Variants in BRD1 observed in about 807,000 individuals in gnomAD.
BRD1 encodes bromodomain containing 1, also known as bromodomain-containing protein 1.
A neutral mutation model predicts 107.7 loss-of-function variants in BRD1; 24 were observed. The observed-to-expected ratio is 0.22, with a 90% CI of 0.16 to 0.31. The LOEUF is 0.31. Among genes scored for constraint, BRD1 ranks in the 10% least tolerant of loss-of-function variants. BRD1 has a pLI of 1.00. For synonymous variants in BRD1, 744 were observed against 686.1 expected (o/e 1.08, Z -1.32); for missense variants, 1,279 against 1,638.6 (o/e 0.78, Z 3.79).
chr22:49,784,134 G>GC (rs1006743767), intron 8 of BRD1, among the ~76,000 whole-genome samples: 2 of 151,794 alleles, frequency 1.3e-5, no homozygotes, highest in Non-Finnish European at 2.9e-5. Flanking sequence ...CGCAACGGCA[G>GC]CGAGTGGACA....
At chr22:49,825,177 C>T (rs1412208696) in intron 1 of BRD1, among the ~76,000 whole-genome samples, 1 of 152,196 alleles carries the variant, frequency 6.6e-6, no homozygotes, top group Non-Finnish European at 1.5e-5. Flanking sequence ...CCACGTCCTC[C>T]TCCTTTCTGA....
At chr22:49,820,270 A>G (rs1293442096) in intron 2 of BRD1, among the ~76,000 whole-genome samples, 1 of 152,196 alleles carries the variant, frequency 6.6e-6, no homozygotes, top group Non-Finnish European at 1.5e-5. Flanking sequence ...CTCTTTCTCT[A>G]AAATCTCTAA....
At chr22:49,782,637 G>T (rs903051577) in intron 8 of BRD1, among the ~76,000 whole-genome samples, 1 of 140,578 alleles carries the variant, frequency 7.1e-6, no homozygotes, top group African/African-American at 2.6e-5. Context: ...ACGCCTGCAC[G>T]AGACCTGCTC....
intron 2 of BRD1, among the ~76,000 whole-genome samples, chr22:49,804,981 T>C (rs914626673): frequency 6.6e-6 from 1 of 152,146 alleles, no homozygotes; most frequent in Non-Finnish European, 1.5e-5. Context: ...TGTGACCCCA[T>C]CTGCACACAA....
At position 49,797,862 on chromosome 22, in the gene BRD1, T is replaced by A. The variant is rs1391422251; in HGVS notation, c.2041A>T (p.Met681Leu). The A allele has an allele frequency of 1.9e-6, 3 of 1,612,776 alleles. No homozygotes were observed. Among genetic ancestry groups the A allele is most frequent in the Non-Finnish European group, 1.7e-6 (2 of 1,179,940 alleles). The change falls in exon 6 of 13, where the codon ATG becomes TTG. Residue 681 changes from methionine to leucine, a missense_variant. Met to Leu is a conservative substitution (Grantham distance 15). Coordinates refer to ENST00000404760, the MANE Select transcript of BRD1 (RefSeq NM_001304808.3). ...GCAGCAGGCCGCTCAGGCAGGTGCA[T>A]CCCCGAGGCCTCTTCCAAGCCGATG... ...DSIGLEEASG[M>L]HLPERPAAAP...
At chr22:49,776,203 C>A (rs114298169) in intron 10 of BRD1, 44 bp from the exon 11 acceptor site, 6 of 1,529,972 alleles carry the variant, frequency 3.9e-6, no homozygotes, top group Non-Finnish European at 5.3e-6. Context: ...CAGCAGGACA[C>A]GGGGCACGCC....
At chr22:49,775,111 G>A (rs2059055803) in intron 12 of BRD1, 1 of 153,388 alleles carries the variant, frequency 6.5e-6, no homozygotes. Flanking sequence ...CAGACGCTCT[G>A]GGGAAAAGCA....
chr22:49,824,416 T>C lies in BRD1; in HGVS notation c.-14-85A>G. On this transcript the variant is annotated intron_variant, in intron 1 of 12. Coordinates refer to ENST00000404760, the MANE Select transcript of BRD1 (RefSeq NM_001304808.3). This position sits in a 1 kb window ranked among gnomAD's most constrained non-coding sequence, Gnocchi z 5.9. The stretch of plus-strand genomic sequence containing the variant: ...CCACAAAAGCATGCTTGGACAGATC[T>C]AGCTCAGCAGCTCAAAGCCCAATCA... The C allele has an allele frequency of 2.0e-6, 3 of 1,524,370 alleles. No individual in the cohort carries two copies. Among genetic ancestry groups the C allele is most frequent in the South Asian group, 2.6e-5 (2 of 77,644 alleles). The allele number at this position is 1,524,370 out of a possible 1,614,324, so 94.4% of individuals were successfully genotyped here. A position where few individuals can be genotyped will look rare whatever the true frequency, so the allele number is the denominator to read the frequency against.
intron 2 of BRD1, among the ~76,000 whole-genome samples, 188 bp downstream of exon 2, chr22:49,822,763 C>A (rs1173614711): frequency 6.6e-6 from 1 of 152,066 alleles, no homozygotes; most frequent in Admixed American, 6.5e-5. Flanking sequence ...AGACTAAAAT[C>A]TTTTACAACA....
intron 2 of BRD1, among the ~76,000 whole-genome samples, chr22:49,811,083 C>T (rs75896428): frequency 0.011 from 1,670 of 152,160 alleles, 36 homozygotes; most frequent in African/African-American, 0.039. Context: ...AATGGCACAC[C>T]GACCCAGGGG....
intron 8 of BRD1, among the ~76,000 whole-genome samples, chr22:49,782,579 T>C (rs1309799252): frequency 4.5e-4 from 57 of 126,050 alleles, no homozygotes; most frequent in Middle Eastern, 0.012. Context: ...ACTCGCTCCG[T>C]GACAATGCAG....
chr22:49,775,812 G>T, intron 11 of BRD1, 67 bp from the exon 12 acceptor site: 2 of 1,376,308 alleles, frequency 1.5e-6, no homozygotes, highest in South Asian at 1.5e-5. Flanking sequence ...ACCTGTCACT[G>T]GCACCCCCCC....
At chr22:49,813,726 G>A (rs560700149) in intron 2 of BRD1, among the ~76,000 whole-genome samples, 1 of 152,000 alleles carries the variant, frequency 6.6e-6, no homozygotes, top group South Asian at 2.1e-4. Flanking sequence ...CAGTTACTCG[G>A]GAAGCTGAGG....
At chr22:49,818,381 A>G in intron 2 of BRD1, 1 of 1,196,012 alleles carries the variant, frequency 8.4e-7, no homozygotes, top group Non-Finnish European at 1.1e-6. Flanking sequence ...CATTCTGATG[A>G]ACCTAGGAGT....
chr22:49,813,183 G>A lies in BRD1; in HGVS notation c.1368-8823C>T, dbSNP rs774128748. Among the ~76,000 whole-genome samples the A allele has an allele frequency of 4.6e-5, 7 of 152,308 alleles. No homozygotes were observed. The South Asian group carries it at 1.5e-3, about 32-fold the overall frequency. ...ATGTGAGTGGATCATTTGAGCTCAG[G>A]AGTTCAAGACCAACCTAGGCAACAC... On this transcript the variant is annotated intron_variant, in intron 2 of 12. Transcript: ENST00000404760.
chr22:49,815,458 G>A (rs547682102), intron 2 of BRD1, among the ~76,000 whole-genome samples: 4 of 151,972 alleles, frequency 2.6e-5, no homozygotes, highest in Non-Finnish European at 4.4e-5. Context: ...CAGGAGAATC[G>A]CTTGAACCCA....
At chr22:49,818,547 T>C (rs767231416) in intron 2 of BRD1, among the ~76,000 whole-genome samples, 14 of 152,292 alleles carry the variant, frequency 9.2e-5, no homozygotes, top group Non-Finnish European at 1.8e-4. Context: ...AATTTCAAAC[T>C]GGTGCAAATG....
intron 3 of BRD1, among the ~76,000 whole-genome samples, chr22:49,801,441 G>A (rs1406429098): frequency 6.6e-6 from 1 of 152,204 alleles, no homozygotes; most frequent in Non-Finnish European, 1.5e-5. Context: ...GAGACACAGA[G>A]GAATCAAATG....
intron 2 of BRD1, among the ~76,000 whole-genome samples, chr22:49,816,254 G>A (rs965190938): frequency 6.6e-6 from 1 of 152,158 alleles, no homozygotes; most frequent in Non-Finnish European, 1.5e-5. Flanking sequence ...GGAGGCTGAG[G>A]ACCACTTGGG....
Sources: allele counts gnomAD v4.1 joint callset (sites outside exome capture counted in the v4.1 genomes callset), GRCh38; gene constraint gnomAD v4.1.1; non-coding constraint Gnocchi (gnomAD v3.1); transcripts MANE v1.5; gene names NCBI Gene and HGNC (gene_info 2026-07-23, HGNC 2026-07-21).